Variants in ANKIB1 observed in about 807,000 individuals in gnomAD.
The protein encoded by ANKIB1 is ankyrin repeat and IBR domain-containing protein 1.
Under a neutral mutation model 122.1 loss-of-function variants are expected in ANKIB1, and 43 were observed. That is an observed-to-expected ratio of 0.35 (90% CI 0.28 to 0.45). ANKIB1 has a LOEUF of 0.45. ANKIB1 is among the 20% of genes least tolerant of loss of function. The pLI is 1.00. For synonymous variants in ANKIB1, 390 were observed against 442.0 expected (o/e 0.88, Z 1.48); for missense variants, 992 against 1,329.5 (o/e 0.75, Z 3.95).
In ANKIB1 at chr7:92,396,445, A is replaced by C. The variant is rs1220155831; in HGVS notation, c.2364A>C (p.Pro788=). 1.3e-6 allele frequency: 2 copies of C among 1,592,620 alleles called. No individual in the cohort carries two copies. The highest frequency in any genetic ancestry group is 4.5e-5 in the East Asian group (2 of 44,158). ...TTCACAGTCTACTCAGTAATCCTCC[A>C]GACCCTGATGAGCCAAGTGAAAGCA... ...GDVHSLLSNP[P]DPDEPSESTL... The change falls in exon 18 of 20, where the codon CCA becomes CCC. Residue 788 remains proline, a synonymous_variant. Transcript: ENST00000265742.
In ANKIB1 at chr7:92,390,223, C is replaced by T. The variant is rs571624288; in HGVS notation, c.2052+107C>T. On this transcript the variant is annotated intron_variant, in intron 15 of 19. Transcript: ENST00000265742. ...TTTAATGTGGACATGATTACTAAAA[C>T]AATTTTCTTTTCATTTTTTAAATGG... The T allele has an allele frequency of 9.9e-6, 8 of 808,786 alleles. No homozygotes were observed. The African/African-American group carries it at 1.3e-4, about 13-fold the overall frequency. 50.1% of individuals were successfully genotyped at this position (808,786 alleles called of 1,614,324 possible).
At chr7:92,322,795 G>A (rs1345146355) in intron 4 of ANKIB1, among the ~76,000 whole-genome samples, 1 of 152,042 alleles carries the variant, frequency 6.6e-6, no homozygotes, top group East Asian at 1.9e-4. Context: ...GTGAATATTT[G>A]TCTGATATAT....
chr7:92,374,592 C>T (rs2115651861), intron 11 of ANKIB1, among the ~76,000 whole-genome samples: 1 of 152,092 alleles, frequency 6.6e-6, no homozygotes, highest in Admixed American at 6.5e-5. Flanking sequence ...AATTTTAAAA[C>T]AAGGGTAATG....
chr7:92,319,680 A>T, intron 4 of ANKIB1, 168 bp downstream of exon 4: 1 of 672,144 alleles, frequency 1.5e-6, no homozygotes, highest in Non-Finnish European at 2.4e-6. Context: ...TAGGCCAACC[A>T]CAGTGGCTCA....
chr7:92,249,076 C>T (rs533017565), intron 1 of ANKIB1, among the ~76,000 whole-genome samples: 6 of 151,930 alleles, frequency 3.9e-5, no homozygotes, highest in East Asian at 3.9e-4. Context: ...TTAGTAGAGA[C>T]GAGGTTTTGC....
chr7:92,262,753 T>C (rs1801590891), intron 1 of ANKIB1, among the ~76,000 whole-genome samples: 1 of 152,148 alleles, frequency 6.6e-6, no homozygotes, highest in African/African-American at 2.4e-5. Flanking sequence ...CTATCTATAA[T>C]TTTATTATTT....
rs754955704 is a variant in ANKIB1 at position 92,351,111 on chromosome 7, A to G, written c.1230+17A>G. 31 of 1,481,384 alleles carry G rather than the reference A, an allele frequency of 2.1e-5. No individual in the cohort carries two copies. In the East Asian group the frequency reaches 3.7e-4, roughly 18 times the overall value. 91.8% of individuals were successfully genotyped at this position (1,481,384 alleles called of 1,614,324 possible). ...GATATTAAGGTAAGGTATACTGCCA[A>G]TTATCTGTCCAATTTCCATAATTTT... On this transcript the variant is annotated intron_variant, in intron 8 of 19. Coordinates refer to ENST00000265742, the MANE Select transcript of ANKIB1 (RefSeq NM_019004.2).
At chr7:92,307,808 CTT>C (rs71107855) in intron 3 of ANKIB1, among the ~76,000 whole-genome samples, 152 bp downstream of exon 3, 39 of 47,912 alleles carry the variant, frequency 8.1e-4, no homozygotes, top group African/African-American at 3.5e-3. Flanking sequence ...TAAAGGGCCT[CTT>C]TTTTTTTTTT....
At chr7:92,339,106 ATC>A (rs1196626927) in intron 5 of ANKIB1, among the ~76,000 whole-genome samples, 2 of 117,764 alleles carry the variant, frequency 1.7e-5, no homozygotes, top group Non-Finnish European at 3.3e-5. Flanking sequence ...TAGTGGCACT[ATC>A]TCTGCTCACT....
chr7:92,365,193 G>A (rs1340014278), intron 10 of ANKIB1, among the ~76,000 whole-genome samples: 1 of 152,160 alleles, frequency 6.6e-6, no homozygotes, highest in Non-Finnish European at 1.5e-5. Context: ...ACAAAACTAA[G>A]GAAAAATGTG....
At chr7:92,354,377 A>G (rs1016597348) in intron 9 of ANKIB1, among the ~76,000 whole-genome samples, 5 of 152,270 alleles carry the variant, frequency 3.3e-5, no homozygotes, top group Middle Eastern at 3.4e-3. Context: ...ATCCCAGTTC[A>G]AGGGATAAAC....
At position 92,351,708 on chromosome 7, in the gene ANKIB1, C is replaced by CT. The variant is rs955434488; in HGVS notation, c.1230+625dup. ...GTGAACTTTTAAAAGACAAGTCCTC[C>CT]TTTTTTTTTTTGTTTTTTTTTTTTT... On this transcript the variant is annotated intron_variant, in intron 8 of 19. Coordinates refer to ENST00000265742, the MANE Select transcript of ANKIB1 (RefSeq NM_019004.2). Among the ~76,000 whole-genome samples, 838 of 135,046 alleles carry CT rather than the reference C, an allele frequency of 6.2e-3. 1 individual carries two copies. The highest frequency in any genetic ancestry group is 0.017 in the Middle Eastern group (4 of 242). 88.6% of individuals were successfully genotyped at this position (135,046 alleles called of 152,430 possible).
intron 1 of ANKIB1, among the ~76,000 whole-genome samples, chr7:92,270,915 C>G (rs1186319848): frequency 6.6e-6 from 1 of 151,738 alleles, no homozygotes; most frequent in Admixed American, 6.6e-5. Context: ...TCTTTTCATT[C>G]TGTTAATGAC....
At chr7:92,293,852 C>T (rs529320058) in intron 1 of ANKIB1, among the ~76,000 whole-genome samples, 1 of 152,176 alleles carries the variant, frequency 6.6e-6, no homozygotes, top group Non-Finnish European at 1.5e-5. Flanking sequence ...TAATTTTCAT[C>T]ATAGCTCAAG....
At chr7:92,367,830 C>G (rs535350460) in intron 10 of ANKIB1, among the ~76,000 whole-genome samples, 1 of 152,252 alleles carries the variant, frequency 6.6e-6, no homozygotes, top group Admixed American at 6.5e-5. Flanking sequence ...GGGACATACT[C>G]AATAAACTGA....
rs530387064 is a variant in ANKIB1 at position 92,270,741 on chromosome 7, T to TG, written c.-90-24148_-90-24147insG. Reference sequence around the variant, plus strand: ...TCCATCGCTATAGTTTTTTTTTTTTTTTTTTTTTTTTGAGAATGTCATATC... The same window carrying TG: ...TCCATCGCTATAGTTTTTTTTTTTTTGTTTTTTTTTTTGAGAATGTCATATC... On this transcript the variant is annotated intron_variant, in intron 1 of 19. Transcript: ENST00000265742. 5.1e-3 allele frequency among the ~76,000 whole-genome samples: 749 copies of TG among 147,956 alleles called. 6 individuals are homozygous for TG. The highest frequency in any genetic ancestry group is 8.0e-3 in the Non-Finnish European group (535 of 66,852).
intron 1 of ANKIB1, among the ~76,000 whole-genome samples, chr7:92,249,918 A>G (rs1801290014): frequency 6.6e-6 from 1 of 152,170 alleles, no homozygotes; most frequent in African/African-American, 2.4e-5. Flanking sequence ...AAAAAGCCAT[A>G]CAGAATCTTG....
At position 92,293,085 on chromosome 7, in the gene ANKIB1, G is replaced by C. The variant is rs900085464; in HGVS notation, c.-90-1804G>C. Among the ~76,000 whole-genome samples, 9 of 152,322 alleles carry C rather than the reference G, an allele frequency of 5.9e-5. No homozygotes were observed. The South Asian group carries it at 1.9e-3, about 32-fold the overall frequency. On this transcript the variant is annotated intron_variant, in intron 1 of 19. Coordinates refer to ENST00000265742, the MANE Select transcript of ANKIB1 (RefSeq NM_019004.2). ...GTAGTTAATGCCTACCTCCAGAATA[G>C]GCTTGGCAGACATCTTACTCTGATA...
At chr7:92,259,028 A>C (rs1801507000) in intron 1 of ANKIB1, among the ~76,000 whole-genome samples, 1 of 152,028 alleles carries the variant, frequency 6.6e-6, no homozygotes, top group South Asian at 2.1e-4. Flanking sequence ...ATCTTGGCTC[A>C]CTGTAACCTC....
Sources: gnomAD v4.1 joint callset for allele counts (sites outside exome capture counted in the v4.1 genomes callset) on GRCh38, gnomAD v4.1.1 for gene constraint, MANE v1.5 for transcripts, NCBI Gene and HGNC (gene_info 2026-07-23, HGNC 2026-07-21) for gene names.